The following HPSE2 variants were observed in gnomAD, a reference collection of about 807,000 sequenced individuals.
HPSE2 encodes inactive heparanase-2.
In HPSE2, 38 loss-of-function variants were observed where a neutral mutation model predicts 60.5. The observed-to-expected ratio is 0.63, with a 90% CI of 0.48 to 0.82. HPSE2 has a LOEUF of 0.82. Ranked by LOEUF, HPSE2 falls within the 40% of genes least tolerant of loss-of-function variation. HPSE2 has a pLI of 0.00. For synonymous variants in HPSE2, 295 were observed against 293.2 expected (o/e 1.01, Z -0.06); for missense variants, 713 against 740.4 (o/e 0.96, Z 0.43).
rs995931862 is a variant in HPSE2, at chr10:98,457,431, G to A, written c.*2143C>T. ...CCTCTCCATGCCTCGTAGGAAAAAT[G>A]GGGATAACAGTAGTACCCCTTTATC... On this transcript the variant is annotated 3_prime_UTR_variant, in exon 12 of 12. Coordinates refer to ENST00000370552, the MANE Select transcript of HPSE2 (RefSeq NM_021828.5). 5 of 152,284 alleles carry A rather than the reference G, an allele frequency of 3.3e-5. No individual in the cohort carries two copies. In the Middle Eastern group the frequency reaches 0.01, roughly 311 times the overall value. 9.4% of individuals were successfully genotyped at this position (152,284 alleles called of 1,614,324 possible).
intron 1 of HPSE2, 142 bp downstream of exon 1, chr10:99,235,371 A>T: frequency 1.3e-6 from 1 of 776,328 alleles, no homozygotes; most frequent in Non-Finnish European, 2.2e-6. Flanking sequence ...CACACAATCC[A>T]GGAGAAGGAA....
At chr10:98,692,331 T>G (rs899813701) in intron 6 of HPSE2, among the ~76,000 whole-genome samples, 2 of 151,986 alleles carry the variant, frequency 1.3e-5, no homozygotes, top group Non-Finnish European at 2.9e-5. Flanking sequence ...TGGCACCAGA[T>G]GAAATCAGAA....
intron 3 of HPSE2, among the ~76,000 whole-genome samples, chr10:99,055,414 A>G (rs577384298): frequency 1.3e-5 from 2 of 152,314 alleles, no homozygotes; most frequent in African/African-American, 4.8e-5. Flanking sequence ...CAATAAAAAT[A>G]ATACACTTTG....
At chr10:98,750,424 C>A (rs577663184) in intron 3 of HPSE2, among the ~76,000 whole-genome samples, 9 of 152,270 alleles carry the variant, frequency 5.9e-5, no homozygotes, top group African/African-American at 1.9e-4. Flanking sequence ...TATGACCCAA[C>A]TCACACTGTG....
intron 9 of HPSE2, among the ~76,000 whole-genome samples, chr10:98,546,638 T>G (rs1158175870): frequency 2.0e-5 from 3 of 151,252 alleles, no homozygotes; most frequent in Non-Finnish European, 4.5e-5. Context: ...CCTTACACCT[T>G]ACACAAAAAT....
intron 3 of HPSE2, among the ~76,000 whole-genome samples, chr10:98,982,231 A>G (rs1350145667): frequency 6.6e-6 from 1 of 152,138 alleles, no homozygotes; most frequent in African/African-American, 2.4e-5. Flanking sequence ...ACTGCTATGG[A>G]ATTTACCCAA....
At chr10:99,275,400 G>A in the HPSE2 span, among the ~76,000 whole-genome samples, 29 of 152,176 alleles carry the variant, frequency 1.9e-4, no homozygotes, top group African/African-American at 6.3e-4. Context: ...TACCCCAAGG[G>A]TACAGTGACC....
chr10:98,801,545 T>C (rs1403833414), intron 3 of HPSE2, among the ~76,000 whole-genome samples: 1 of 152,144 alleles, frequency 6.6e-6, no homozygotes, highest in Non-Finnish European at 1.5e-5. Flanking sequence ...AGTATTTCTA[T>C]ATGTCAACAG....
chr10:98,533,302 G>A (rs1943186000), intron 9 of HPSE2, among the ~76,000 whole-genome samples: 1 of 152,184 alleles, frequency 6.6e-6, no homozygotes, highest in Non-Finnish European at 1.5e-5. Context: ...TTTTATAGAA[G>A]GTAGGCTTTT....
At chr10:99,284,520 T>C in the HPSE2 span, among the ~76,000 whole-genome samples, 3 of 152,242 alleles carry the variant, frequency 2.0e-5, no homozygotes, top group East Asian at 5.8e-4. Flanking sequence ...GAGCTAAAAC[T>C]ATAAAAGTTT....
In HPSE2 at chr10:98,995,476, C is replaced by T. The variant is rs1437799194; in HGVS notation, c.610+148762G>A. ...CCCTTCAGGTTTGTTTTTTCAGTGT[C>T]CAGAAAAACTTAGTTCAACCTACCT... On this transcript the variant is annotated intron_variant, in intron 3 of 11. Transcript: ENST00000370552. Among the ~76,000 whole-genome samples the T allele has an allele frequency of 2.6e-5, 4 of 152,074 alleles. No individual in the cohort carries two copies. The South Asian group carries it at 8.3e-4, about 31-fold the overall frequency.
intron 3 of HPSE2, among the ~76,000 whole-genome samples, chr10:99,088,262 A>G (rs1371520364): frequency 6.6e-6 from 1 of 152,032 alleles, no homozygotes; most frequent in Non-Finnish European, 1.5e-5. Flanking sequence ...TGGCTACATG[A>G]ATAAGTTCTT....
At chr10:99,278,637 G>A in the HPSE2 span, among the ~76,000 whole-genome samples, 2 of 152,168 alleles carry the variant, frequency 1.3e-5, no homozygotes, top group African/African-American at 2.4e-5. Context: ...ATGAAAAAAG[G>A]ATGAATACTG....
upstream of HPSE2, among the ~76,000 whole-genome samples, chr10:99,236,290 C>G (rs1016976917): frequency 3.9e-5 from 6 of 152,016 alleles, no homozygotes; most frequent in African/African-American, 1.5e-4. Flanking sequence ...CGTCTGGGTA[C>G]AGAGCAAAGG....
chr10:99,027,319 A>G (rs530365143), intron 3 of HPSE2, among the ~76,000 whole-genome samples: 13 of 152,172 alleles, frequency 8.5e-5, no homozygotes, highest in African/African-American at 2.9e-4. Context: ...CCAAAGGATC[A>G]TTAGTGGCTA....
intron 3 of HPSE2, among the ~76,000 whole-genome samples, chr10:98,767,522 ATATAC>A (rs1243874483): frequency 6.8e-6 from 1 of 146,080 alleles, no homozygotes; most frequent in East Asian, 2.0e-4. Context: ...ATTGCACTAT[ATATAC>A]TATATATATT....
intron 3 of HPSE2, among the ~76,000 whole-genome samples, chr10:98,998,718 C>T (rs753483480): frequency 2.7e-4 from 41 of 152,296 alleles, no homozygotes; most frequent in Non-Finnish European, 5.1e-4. Context: ...CCCCTTTATA[C>T]TCATGTATTC....
At chr10:98,498,214 A>T (rs1941916378) in intron 9 of HPSE2, among the ~76,000 whole-genome samples, 3 of 152,246 alleles carry the variant, frequency 2.0e-5, no homozygotes, top group African/African-American at 7.2e-5. Context: ...GAGAGGACCC[A>T]CAGACCCTCT....
At position 98,731,633 on chromosome 10, in the gene HPSE2, T is replaced by C. The variant is rs552155385; in HGVS notation, c.785-9805A>G. Among the ~76,000 whole-genome samples the C allele has an allele frequency of 9.8e-5, 15 of 152,322 alleles. No homozygotes were observed. The South Asian group carries it at 3.1e-3, about 32-fold the overall frequency. On this transcript the variant is annotated intron_variant, in intron 4 of 11. Transcript: ENST00000370552. ...ATAGAAGGGAACTTTCTCAACTTGA[T>C]AAAGCGTATCTAAGAAAAACCTAGA...
Sources: allele counts gnomAD v4.1 joint callset (sites outside exome capture counted in the v4.1 genomes callset), GRCh38; gene constraint gnomAD v4.1.1; transcripts MANE v1.5; gene names NCBI Gene and HGNC (gene_info 2026-07-23, HGNC 2026-07-21).